The following DOCK2 variants were observed in gnomAD, a reference collection of about 807,000 sequenced individuals.
DOCK2 encodes dedicator of cytokinesis protein 2.
A neutral mutation model predicts 248.9 loss-of-function variants in DOCK2; 87 were observed. That is an observed-to-expected ratio of 0.35 (90% CI 0.29 to 0.42). The LOEUF (loss-of-function observed/expected upper bound fraction) is 0.42. DOCK2 is among the 10% of genes least tolerant of loss of function. DOCK2 has a pLI of 1.00. For missense variants in DOCK2, 1,747 were observed against 2,300.2 expected (o/e 0.76, Z 4.92); for synonymous variants, 805 against 821.6 (o/e 0.98, Z 0.35).
At chr5:169,896,182 G>A (rs1773594671) in intron 27 of DOCK2, among the ~76,000 whole-genome samples, 1 of 152,142 alleles carries the variant, frequency 6.6e-6, no homozygotes, top group South Asian at 2.1e-4. Flanking sequence ...TGGGGTCGGG[G>A]GGCGGGGAGG....
At chr5:170,060,908 TAATCCCAGCTACTC>T (rs1757305440) in intron 44 of DOCK2, among the ~76,000 whole-genome samples, 1 of 152,010 alleles carries the variant, frequency 6.6e-6, no homozygotes, top group African/African-American at 2.4e-5. Flanking sequence ...CATGCACCTG[TAATCCCAGCTACTC>T]AGAAGGCTGA....
At chr5:169,694,549 T>G (rs1760498467) in intron 9 of DOCK2, among the ~76,000 whole-genome samples, 1 of 152,222 alleles carries the variant, frequency 6.6e-6, no homozygotes, top group Non-Finnish European at 1.5e-5. Context: ...TTATCTTCTT[T>G]GTGTCTCAGT....
chr5:170,062,857 A>G (rs1234724997), intron 44 of DOCK2, among the ~76,000 whole-genome samples: 2 of 152,292 alleles, frequency 1.3e-5, no homozygotes, highest in African/African-American at 2.4e-5. Context: ...TCCAGTGGCT[A>G]CTTGGCAGCC....
intron 26 of DOCK2, among the ~76,000 whole-genome samples, chr5:169,838,652 G>A (rs1170378456): frequency 6.6e-6 from 1 of 152,184 alleles, no homozygotes; most frequent in Non-Finnish European, 1.5e-5. Flanking sequence ...AGGGCTGGTT[G>A]GTGGGGAGAG....
In DOCK2 at chr5:170,016,397, T is replaced by C. The variant is rs539011090; in HGVS notation, c.3233-2563T>C. 2.6e-5 allele frequency among the ~76,000 whole-genome samples: 4 copies of C among 152,352 alleles called. No individual in the cohort carries two copies. The South Asian group carries it at 8.3e-4, about 32-fold the overall frequency. Reference sequence around the variant, plus strand: ...GCGTGCATGTGTATGCATCTATGTATGTAAAGATATGCAAACACATATGCA... The same window carrying C: ...GCGTGCATGTGTATGCATCTATGTACGTAAAGATATGCAAACACATATGCA... On this transcript the variant is annotated intron_variant, in intron 32 of 51. Coordinates refer to ENST00000520908, the MANE Select transcript of DOCK2 (RefSeq NM_004946.3).
chr5:169,788,838 T>C (rs1301786920), intron 25 of DOCK2, among the ~76,000 whole-genome samples: 4 of 152,196 alleles, frequency 2.6e-5, no homozygotes, highest in Non-Finnish European at 4.4e-5. Flanking sequence ...GGTATGTTTC[T>C]TTTTTTAACT....
chr5:169,912,498 C>A (rs1034424980), intron 27 of DOCK2, among the ~76,000 whole-genome samples: 1 of 152,128 alleles, frequency 6.6e-6, no homozygotes, highest in Non-Finnish European at 1.5e-5. Context: ...TTCTTAGGGT[C>A]TTATTGAGAC....
At chr5:170,032,027 CTTTTTTTTTT>C (rs11362267) in intron 34 of DOCK2, among the ~76,000 whole-genome samples, 1 of 142,120 alleles carries the variant, frequency 7.0e-6, no homozygotes, top group South Asian at 2.2e-4. Flanking sequence ...ACCAGTTGTT[CTTTTTTTTTT>C]TTTTTTTGAG....
chr5:169,716,230 G>C lies in DOCK2; in HGVS notation c.1959G>C (p.Leu653=), dbSNP rs1356791724. The C allele has an allele frequency of 6.2e-7, 1 of 1,613,632 alleles. No homozygotes were observed. Among genetic ancestry groups the C allele is most frequent in the Non-Finnish European group, 8.5e-7 (1 of 1,179,690 alleles). ...EEVVKFLQDT[L]DALFNIMMEH... ...TCTTCCAGTTTCTCCAGGATACTCTGGATGCCCTCTTCAACATCATGATGG... is the reference window on the plus strand; with the variant it reads ...TCTTCCAGTTTCTCCAGGATACTCTCGATGCCCTCTTCAACATCATGATGG... Residue 653 remains leucine, a synonymous_variant, in exon 20 of 52, where the codon CTG becomes CTC. Transcript: ENST00000520908.
At chr5:169,724,217 A>G (rs1235555941) in intron 22 of DOCK2, among the ~76,000 whole-genome samples, 4 of 152,154 alleles carry the variant, frequency 2.6e-5, no homozygotes, top group Admixed American at 6.5e-5. Flanking sequence ...TGAGAGGCAC[A>G]TGGCTCCTTG....
chr5:169,753,248 T>C (rs955200238), intron 23 of DOCK2, among the ~76,000 whole-genome samples: 1 of 152,138 alleles, frequency 6.6e-6, no homozygotes, highest in African/African-American at 2.4e-5. Context: ...GCAGGTTTGT[T>C]ACATAGATAT....
At chr5:170,076,147 T>C (rs1757831912) in intron 47 of DOCK2, 63 bp downstream of exon 47, 2 of 1,573,782 alleles carry the variant, frequency 1.3e-6, no homozygotes, top group Non-Finnish European at 8.7e-7. Context: ...GGAAGCATGC[T>C]GGAGGCTGAA....
rs560972599 is a variant in DOCK2 at position 169,783,047 on chromosome 5, G to A, written c.2555-20011G>A. Among the ~76,000 whole-genome samples the A allele has an allele frequency of 1.7e-3, 264 of 152,268 alleles. 1 individual carries two copies. Among genetic ancestry groups the A allele is most frequent in the Non-Finnish European group, 3.0e-3 (205 of 68,020 alleles). ...AGCTTGCCTTTATTTGCAAAATGAG[G>A]CATTCTTTATTATAATGCAGAATGA... On this transcript the variant is annotated intron_variant, in intron 25 of 51. Coordinates refer to ENST00000520908, the MANE Select transcript of DOCK2 (RefSeq NM_004946.3).
chr5:169,640,202 A>G (rs916524313), intron 1 of DOCK2, among the ~76,000 whole-genome samples: 3 of 152,254 alleles, frequency 2.0e-5, no homozygotes, highest in Non-Finnish European at 4.4e-5. Context: ...CTGGGACTTC[A>G]GCATAAGAAT....
intron 22 of DOCK2, among the ~76,000 whole-genome samples, chr5:169,744,323 A>G (rs1763486962): frequency 6.6e-6 from 1 of 152,240 alleles, no homozygotes; most frequent in Non-Finnish European, 1.5e-5. Flanking sequence ...CAGACTAAAA[A>G]TCTTTTTTCC....
chr5:169,854,416 C>T (rs1252625596), intron 27 of DOCK2, among the ~76,000 whole-genome samples: 2 of 151,940 alleles, frequency 1.3e-5, no homozygotes, highest in Non-Finnish European at 2.9e-5. Flanking sequence ...AACTCCTGAC[C>T]TCAAGTAATC....
chr5:169,992,656 G>A (rs1157155314), intron 29 of DOCK2, among the ~76,000 whole-genome samples: 2 of 152,174 alleles, frequency 1.3e-5, no homozygotes, highest in East Asian at 3.9e-4. Context: ...GTAGAAATGG[G>A]GTTTCACCAT....
chr5:169,759,628 T>C (rs1359728555), intron 23 of DOCK2, 77 bp from the exon 24 acceptor site: 2 of 1,490,468 alleles, frequency 1.3e-6, no homozygotes, highest in East Asian at 2.3e-5. Context: ...ATCTGTGTCA[T>C]GCTGCAAAGT....
chr5:170,049,059 T>C (rs1756817187), intron 40 of DOCK2, among the ~76,000 whole-genome samples: 1 of 152,186 alleles, frequency 6.6e-6, no homozygotes, highest in African/African-American at 2.4e-5. Flanking sequence ...TTCCCAAACC[T>C]GGCTGTACGT....
Sources: gnomAD v4.1 joint callset for allele counts (sites outside exome capture counted in the v4.1 genomes callset) on GRCh38, gnomAD v4.1.1 for gene constraint, MANE v1.5 for transcripts, NCBI Gene and HGNC (gene_info 2026-07-23, HGNC 2026-07-21) for gene names.